The following CELF2 variants were observed in gnomAD, a reference collection of about 807,000 sequenced individuals.
CELF2 encodes CUG triplet repeat RNA-binding protein 2.
CELF2 carries 8 observed loss-of-function variants against 62.6 expected under a neutral mutation model. The observed-to-expected ratio is 0.13, with a 90% CI of 0.07 to 0.23. The LOEUF (loss-of-function observed/expected upper bound fraction) is 0.23, where lower values mean the gene tolerates loss of function less well. CELF2 is among the 10% of genes least tolerant of loss of function. The probability of loss-of-function intolerance (pLI) is 1.00; values close to 1 mark genes in which losing one functional copy is unlikely to be tolerated. For missense variants in CELF2, 333 were observed against 671.0 expected, an observed-to-expected ratio of 0.50 and a Z score of 5.56; for synonymous variants, 258 against 250.0, an observed-to-expected ratio of 1.03 and a Z score of -0.30.
At chr10:11,133,208 CAAGGAACCATTAAAGA>C (rs1359521452) in intron 1 of CELF2, among the ~76,000 whole-genome samples, 3 of 152,090 alleles carry the variant, frequency 2.0e-5, no homozygotes, top group African/African-American at 7.2e-5. Flanking sequence ...TTTGGATCCA[CAAGGAACCATTAAAGA>C]AGAGGACAAC....
At chr10:11,038,610 A>T (rs574710890) in intron 1 of CELF2, among the ~76,000 whole-genome samples, 2 of 152,346 alleles carry the variant, frequency 1.3e-5, no homozygotes, top group East Asian at 3.9e-4. Context: ...TATGCAGTAC[A>T]CCACTATAAA....
At position 10,990,225 on chromosome 10, in the gene CELF2, C is replaced by G. The variant is rs1162979859; in HGVS notation, c.89+70226C>G. 6.6e-6 allele frequency among the ~76,000 whole-genome samples: 1 copy of G among 151,804 alleles called. No individual in the cohort carries two copies. The highest frequency in any genetic ancestry group is 1.5e-5 in the Non-Finnish European group (1 of 67,924). Reference sequence around the variant, plus strand: ...TTGTAAAATGAAATAATATATAATCCTTGGAAAATATTTTCAACGTCATTA... The same window carrying G: ...TTGTAAAATGAAATAATATATAATCGTTGGAAAATATTTTCAACGTCATTA... On this transcript the variant is annotated intron_variant, in intron 2 of 13. Coordinates refer to the CELF2 transcript ENST00000636488. The surrounding 1 kb of genome is among the most constrained non-coding windows in gnomAD (Gnocchi z 4.6).
At chr10:10,767,855 G>A in the CELF2 span, among the ~76,000 whole-genome samples, 33 of 143,602 alleles carry the variant, frequency 2.3e-4, no homozygotes, top group Admixed American at 6.4e-4. Flanking sequence ...AATTAGCCGG[G>A]CGTGGTGGCG....
intron 1 of CELF2, among the ~76,000 whole-genome samples, chr10:10,809,353 T>C (rs1564650603): frequency 6.6e-6 from 1 of 152,214 alleles, no homozygotes; most frequent in Admixed American, 6.5e-5. Context: ...TTGTACTGTT[T>C]AAGCCACCCA....
rs748724074 is a variant in CELF2, at chr10:11,300,205, T to G, written c.976+11653T>G. ...AGGAGTGGAAACAGGACAGCTGCTT[T>G]GGACGTGAGGAGCAGGTGCTGGCCC... On this transcript the variant is annotated intron_variant, in intron 9 of 12. Transcript: ENST00000633077. This position sits in a 1 kb window ranked among gnomAD's most constrained non-coding sequence, Gnocchi z 5.5. Among the ~76,000 whole-genome samples the G allele has an allele frequency of 3.9e-5, 6 of 152,212 alleles. No individual in the cohort carries two copies. Among genetic ancestry groups the G allele is most frequent in the Non-Finnish European group, 8.8e-5 (6 of 68,042 alleles).
At chr10:10,988,823 C>T (rs1258931720) in intron 2 of CELF2, among the ~76,000 whole-genome samples, 7 of 151,964 alleles carry the variant, frequency 4.6e-5, no homozygotes, top group East Asian at 1.9e-4. Flanking sequence ...TCATCATTCA[C>T]GAAATAATGT....
intron 1 of CELF2, among the ~76,000 whole-genome samples, chr10:10,866,920 CAAAA>C (rs56098222): frequency 1.0e-5 from 1 of 97,742 alleles, no homozygotes; most frequent in Non-Finnish European, 2.0e-5. Flanking sequence ...AACTCCTTCT[CAAAA>C]AAAAAAAAAA....
At position 11,267,302 on chromosome 10, in the gene CELF2, A is replaced by G. The variant is rs558555966; in HGVS notation, c.618+625A>G. 7.2e-5 allele frequency among the ~76,000 whole-genome samples: 11 copies of G among 152,374 alleles called. No homozygotes were observed. The highest frequency in any genetic ancestry group is 2.0e-4 in the Admixed American group (3 of 15,314). Reference sequence around the variant, plus strand: ...AAGGCTCAAATGTGGTCTCCTAATGAGAGATCATGGCTTTAGGGGAAGGTA... The same window carrying G: ...AAGGCTCAAATGTGGTCTCCTAATGGGAGATCATGGCTTTAGGGGAAGGTA... On this transcript the variant is annotated intron_variant, in intron 6 of 12. Transcript: ENST00000633077. The surrounding 1 kb of genome is among the most constrained non-coding windows in gnomAD (Gnocchi z 4.4).
intron 1 of CELF2, among the ~76,000 whole-genome samples, chr10:11,007,906 G>C (rs1353763291): frequency 6.6e-6 from 1 of 152,010 alleles, no homozygotes; most frequent in Admixed American, 6.6e-5. Context: ...CTAATTCCTG[G>C]GTAGTCACAG....
chr10:11,103,399 A>G (rs36078361), intron 1 of CELF2, among the ~76,000 whole-genome samples: 2,272 of 136,130 alleles, frequency 0.017, 39 homozygotes, highest in Non-Finnish European at 0.025. Context: ...TTACATTTTT[A>G]TTAACATTTT....
the CELF2 span, among the ~76,000 whole-genome samples, chr10:10,693,487 C>G: frequency 2.0e-5 from 3 of 151,880 alleles, no homozygotes; most frequent in Middle Eastern, 3.2e-3. Flanking sequence ...TTGGCTGTGT[C>G]TCTGCCCGGC....
the CELF2 span, among the ~76,000 whole-genome samples, chr10:10,584,147 G>T: frequency 6.6e-6 from 1 of 152,124 alleles, no homozygotes; most frequent in Admixed American, 6.6e-5. Context: ...GATGTCTTTA[G>T]CTCCTCTTCT....
At chr10:10,949,696 G>A (rs2048094553) in intron 2 of CELF2, among the ~76,000 whole-genome samples, 1 of 151,824 alleles carries the variant, frequency 6.6e-6, no homozygotes, top group African/African-American at 2.4e-5. Context: ...AGCTACTAGG[G>A]AAGCTGAGGC....
chr10:11,319,848 T>G lies in CELF2; in HGVS notation c.1097-1341T>G, dbSNP rs1436449220. 6.4e-6 allele frequency: 3 copies of G among 470,884 alleles called. No individual in the cohort carries two copies. The highest frequency in any genetic ancestry group is 6.0e-5 in the African/African-American group (3 of 49,996). The allele number at this position is 470,884 out of a possible 1,614,324, so 29.2% of individuals were successfully genotyped here. A position where few individuals can be genotyped will look rare whatever the true frequency, so the allele number is the denominator to read the frequency against. On this transcript the variant is annotated intron_variant, in intron 10 of 12. Coordinates refer to ENST00000633077, the MANE Select transcript of CELF2 (RefSeq NM_001326342.2). The surrounding 1 kb of genome is among the most constrained non-coding windows in gnomAD (Gnocchi z 4.4). ...TGGCCAAATAGAAGCACAAGTGGAGTAAACAGAACATTCCCCACCTGCTCT... is the reference window on the plus strand; with the variant it reads ...TGGCCAAATAGAAGCACAAGTGGAGGAAACAGAACATTCCCCACCTGCTCT...
intron 7 of CELF2, 67 bp from the exon 8 acceptor site, chr10:11,274,990 C>T: frequency 2.8e-6 from 4 of 1,444,594 alleles, no homozygotes; most frequent in Non-Finnish European, 3.9e-6. Context: ...TGAATTTGTC[C>T]CCAGTTTAAT....
chr10:10,743,926 C>G, the CELF2 span, among the ~76,000 whole-genome samples: 1 of 152,102 alleles, frequency 6.6e-6, no homozygotes, highest in South Asian at 2.1e-4. Context: ...AGCAGCCATG[C>G]TCATCTTTGA....
chr10:11,172,083 C>T (rs2069075697), intron 2 of CELF2, among the ~76,000 whole-genome samples: 1 of 152,180 alleles, frequency 6.6e-6, no homozygotes, highest in Non-Finnish European at 1.5e-5. Context: ...TACATTTTAA[C>T]GCATGCAAGT....
At chr10:11,017,198 C>T (rs1260523540), upstream of CELF2, among the ~76,000 whole-genome samples, 1 of 152,182 alleles carries the variant, frequency 6.6e-6, no homozygotes, top group Non-Finnish European at 1.5e-5. This position sits in a 1 kb window ranked among gnomAD's most constrained non-coding sequence, Gnocchi z 5.5. Context: ...CTTCATGGCC[C>T]TTACATTACA....
At chr10:10,483,214 CA>C in the CELF2 span, among the ~76,000 whole-genome samples, 29,666 of 93,356 alleles carry the variant, frequency 0.32, 2,382 homozygotes, top group Non-Finnish European at 0.33. Context: ...GGCAGAATAC[CA>C]AAAAAAAAAA....
Sources: allele counts gnomAD v4.1 joint callset (sites outside exome capture counted in the v4.1 genomes callset), GRCh38; gene constraint gnomAD v4.1.1; non-coding constraint Gnocchi (gnomAD v3.1); transcripts MANE v1.5; gene names NCBI Gene and HGNC (gene_info 2026-07-23, HGNC 2026-07-21).